The following ENPP1 variants were observed in gnomAD, a reference collection of about 807,000 sequenced individuals.
The protein encoded by ENPP1 is ectonucleotide pyrophosphatase/phosphodiesterase 1, also known as ectonucleotide pyrophosphatase/phosphodiesterase family member 1.
A neutral mutation model predicts 122.8 loss-of-function variants in ENPP1; 73 were observed. That is an observed-to-expected ratio of 0.59 (90% CI 0.49 to 0.72). ENPP1 has a LOEUF of 0.72. ENPP1 is among the 30% of genes least tolerant of loss of function. ENPP1 has a pLI of 0.00. For missense variants in ENPP1, 978 were observed against 1,128.1 expected (o/e 0.87, Z 1.91); for synonymous variants, 367 against 391.6 (o/e 0.94, Z 0.74).
chr6:131,823,222 T>C (rs1562510548), intron 1 of ENPP1, among the ~76,000 whole-genome samples: 1 of 152,218 alleles, frequency 6.6e-6, no homozygotes, highest in Admixed American at 6.5e-5. Flanking sequence ...TGTCCGGCCC[T>C]ATGCTAAAGA....
chr6:131,881,984 C>T (rs1782315822), intron 20 of ENPP1, among the ~76,000 whole-genome samples: 2 of 151,698 alleles, frequency 1.3e-5, no homozygotes, highest in Admixed American at 1.3e-4. Context: ...CGCCGCTGCC[C>T]TCTAGTCTGG....
rs17847047 is a variant in ENPP1, at chr6:131,890,297, G to C, written c.2608-44G>C. The C allele has an allele frequency of 4.1e-5, 61 of 1,485,088 alleles. No homozygotes were observed. In the African/African-American group the frequency reaches 7.9e-4, roughly 19 times the overall value. The allele number at this position is 1,485,088 out of a possible 1,614,324, so 92.0% of individuals were successfully genotyped here. A position where few individuals can be genotyped will look rare whatever the true frequency, so the allele number is the denominator to read the frequency against. ...TGGAGCACTTATAGAAGTGAACTGAGTGTTCTCTTGGTAACTTTTCTTTTA... is the reference window on the plus strand; with the variant it reads ...TGGAGCACTTATAGAAGTGAACTGACTGTTCTCTTGGTAACTTTTCTTTTA... On this transcript the variant is annotated intron_variant, in intron 24 of 24. Transcript: ENST00000647893.
At chr6:131,837,963 T>C (rs1392006713) in intron 1 of ENPP1, among the ~76,000 whole-genome samples, 3 of 152,206 alleles carry the variant, frequency 2.0e-5, no homozygotes, top group African/African-American at 4.8e-5. Context: ...TAATATACTG[T>C]TTTCTGTTAC....
At chr6:131,861,002 A>G (rs1176384887) in intron 8 of ENPP1, among the ~76,000 whole-genome samples, 1 of 152,194 alleles carries the variant, frequency 6.6e-6, no homozygotes, top group Admixed American at 6.5e-5. Flanking sequence ...CACAATAATT[A>G]TATAAGGTCT....
At chr6:131,849,923 T>C in intron 2 of ENPP1, 67 bp from the exon 3 acceptor site, 1 of 1,136,168 alleles carries the variant, frequency 8.8e-7, no homozygotes, top group Non-Finnish European at 1.3e-6. Flanking sequence ...CTTAGTTGTA[T>C]TCGTTGATGT....
intron 5 of ENPP1, 67 bp from the exon 6 acceptor site, chr6:131,854,859 T>C: frequency 9.3e-7 from 1 of 1,071,962 alleles, no homozygotes; most frequent in Non-Finnish European, 1.5e-6. Context: ...AAGAAGGGGG[T>C]ACATCTTCAT....
At chr6:131,884,620 T>C (rs941277261) in intron 22 of ENPP1, among the ~76,000 whole-genome samples, 9 of 152,048 alleles carry the variant, frequency 5.9e-5, no homozygotes, top group African/African-American at 2.2e-4. Flanking sequence ...CTACAAAAAA[T>C]TTTAATTAGC....
chr6:131,875,811 T>A lies in ENPP1; in HGVS notation c.1671T>A (p.His557Gln), dbSNP rs1304432127. 1 of 1,614,096 alleles carries A rather than the reference T, an allele frequency of 6.2e-7. No homozygotes were observed. Among genetic ancestry groups the A allele is most frequent in the South Asian group, 1.1e-5 (1 of 91,082 alleles). Residue 557 changes from histidine to glutamine, a missense_variant, in exon 17 of 25, where the codon CAT (histidine) becomes CAA (glutamine). This residue lies in a region of ENPP1 where 644 missense variants were observed against 781.5 expected (regional missense o/e 0.82). Coordinates refer to ENST00000647893, the MANE Select transcript of ENPP1 (RefSeq NM_006208.3). The part of the protein sequence containing the change: ...LFVGYGPGFK[H>Q]GIEADTFENI... ...TTGGCTATGGACCTGGATTCAAGCATGGCATTGAGGCTGACACCTTTGAAA... is the reference window on the plus strand; with the variant it reads ...TTGGCTATGGACCTGGATTCAAGCAAGGCATTGAGGCTGACACCTTTGAAA...
At chr6:131,849,797 T>G (rs1781857921) in intron 2 of ENPP1, among the ~76,000 whole-genome samples, 193 bp from the exon 3 acceptor site, 1 of 152,210 alleles carries the variant, frequency 6.6e-6, no homozygotes, top group Admixed American at 6.5e-5. Context: ...ACCAGGCACA[T>G]AAGGTTACTT....
chr6:131,852,168 A>T lies in ENPP1; in HGVS notation c.557-7A>T. 6.3e-7 allele frequency: 1 copy of T among 1,578,124 alleles called. No individual in the cohort carries two copies. The highest frequency in any genetic ancestry group is 1.1e-5 in the South Asian group (1 of 90,346). ...GTGTTCATTTTATTTTCTTGAAAAT[A>T]TTTTAGGTGAGAAAAGTTGGGTAGA... is the stretch of plus-strand genomic sequence containing the variant. On this transcript the variant is annotated splice_region_variant and splice_polypyrimidine_tract_variant and intron_variant, in intron 4 of 24. Transcript: ENST00000647893.
chr6:131,883,743 A>T lies in ENPP1; in HGVS notation c.2280A>T (p.Thr760=), dbSNP rs745688135. 1.3e-6 allele frequency: 2 copies of T among 1,526,720 alleles called. No homozygotes were observed. Among genetic ancestry groups the T allele is most frequent in the East Asian group, 4.5e-5 (2 of 44,290 alleles). 94.6% of individuals were successfully genotyped at this position (1,526,720 alleles called of 1,614,324 possible). ...TATATTCTGAAGCTTTGCTTACTAC[A>T]AATATAGTGCCAATGTACCAGAGTT... ...SGIYSEALLT[T]NIVPMYQSFQ... Residue 760 remains threonine (T), a synonymous_variant, in exon 22 of 25, where the codon ACA becomes ACT. Transcript: ENST00000647893.
At chr6:131,871,958 A>C (rs1782167565) in intron 13 of ENPP1, 112 bp from the exon 14 acceptor site, 1 of 841,362 alleles carries the variant, frequency 1.2e-6, no homozygotes, top group South Asian at 1.4e-5. Flanking sequence ...ACTCTTTAAA[A>C]CCTGCCTTGG....
intron 20 of ENPP1, 45 bp downstream of exon 20, chr6:131,880,079 G>T (rs1251334554): frequency 6.4e-7 from 1 of 1,561,418 alleles, no homozygotes. Context: ...TCAAATTAAT[G>T]ATTAAGCAGA....
chr6:131,808,084 G>A lies in ENPP1; in HGVS notation c.49G>A (p.Gly17Arg). 4 of 1,082,016 alleles carry A rather than the reference G, an allele frequency of 3.7e-6. No individual in the cohort carries two copies. The highest frequency in any genetic ancestry group is 4.5e-6 in the Non-Finnish European group (4 of 892,392). The allele number at this position is 1,082,016 out of a possible 1,614,324, so 67.0% of individuals were successfully genotyped here. A position where few individuals can be genotyped will look rare whatever the true frequency, so the allele number is the denominator to read the frequency against. Residue 17 changes from glycine (G) to arginine (R), a missense_variant, in exon 1 of 25, where the codon GGG becomes AGG. Around this residue, in one of 3 missense-constraint regions of ENPP1, gnomAD observed 330 missense variants for 328.5 expected, o/e 1.00. Transcript: ENST00000647893. The stretch of plus-strand genomic sequence containing the variant: ...GGGCGGGAGCCGCGGCGGCGAGGGC[G>A]GGCGCGCTCCCCGGGAGGGCCCGGC... ...AGGGSRGGEG[G>R]RAPREGPAGN... is the part of the protein sequence containing the mutation.
At chr6:131,836,172 GAGTGATCTC>G (rs1781671775) in intron 1 of ENPP1, among the ~76,000 whole-genome samples, 1 of 151,800 alleles carries the variant, frequency 6.6e-6, no homozygotes, top group African/African-American at 2.4e-5. Context: ...GAGTGCAATG[GAGTGATCTC>G]AGTTTACTGC....
chr6:131,818,439 G>A (rs368728096), intron 1 of ENPP1, among the ~76,000 whole-genome samples: 2 of 152,102 alleles, frequency 1.3e-5, no homozygotes, highest in African/African-American at 2.4e-5. Flanking sequence ...GAGGTCAGGA[G>A]ATCGAGACCA....
intron 1 of ENPP1, among the ~76,000 whole-genome samples, chr6:131,822,099 TAAGC>T (rs1469043828): frequency 1.3e-5 from 2 of 152,180 alleles, no homozygotes; most frequent in East Asian, 3.8e-4. Context: ...GTCGGGGAAA[TAAGC>T]AGGAAACAAC....
At position 131,879,994 on chromosome 6, in the gene ENPP1, T is replaced by C; in HGVS notation, c.2060T>C (p.Ile687Thr). ...HQFMSGYSQD[I>T]LMPLWTSYTV... The stretch of plus-strand genomic sequence containing the variant: ...TTTATGAGTGGATACAGCCAAGACA[T>C]CTTAATGCCCCTTTGGACATCCTAT... Residue 687 changes from isoleucine (I) to threonine (T), a missense_variant, in exon 20 of 25, where the codon ATC (isoleucine) becomes ACC (threonine). By Grantham distance (89) the Ile-to-Thr change is moderately conservative (BLOSUM62 -1). This residue lies in a region of ENPP1 where 644 missense variants were observed against 781.5 expected (regional missense o/e 0.82). Transcript: ENST00000647893. 1 of 1,614,124 alleles carries C rather than the reference T, an allele frequency of 6.2e-7. No homozygotes were observed. The highest frequency in any genetic ancestry group is 1.1e-5 in the South Asian group (1 of 91,090).
In ENPP1 at chr6:131,886,643, T is replaced by C. The variant is rs1050180323; in HGVS notation, c.2526T>C (p.Ser842=). ...TGCTAACAAGCTGTAAAGATACATC[T>C]CAGACGCCTTTGCACTGTGAAAACC... is the stretch of plus-strand genomic sequence containing the variant. ...FIVLTSCKDT[S]QTPLHCENLD... Residue 842 remains serine, a synonymous_variant, in exon 24 of 25, where the codon TCT becomes TCC. Coordinates refer to ENST00000647893, the MANE Select transcript of ENPP1 (RefSeq NM_006208.3). 2.5e-6 allele frequency: 4 copies of C among 1,613,850 alleles called. No individual in the cohort carries two copies. The South Asian group carries it at 3.3e-5, about 13-fold the overall frequency.
Sources: gnomAD v4.1 joint callset for allele counts (sites outside exome capture counted in the v4.1 genomes callset) on GRCh38, gnomAD v4.1.1 for gene constraint, gnomAD v4.1.1 regional missense constraint, MANE v1.5 for transcripts, NCBI Gene and HGNC (gene_info 2026-07-23, HGNC 2026-07-21) for gene names.